DLGAP4: variants seen among roughly 807,000 people sequenced by gnomAD.
The protein encoded by DLGAP4 is disks large-associated protein 4.
In DLGAP4, 18 loss-of-function variants were observed where a neutral mutation model predicts 86.9. The ratio of observed to expected loss-of-function variants is 0.21; its 90% CI spans 0.14 to 0.31. DLGAP4 has a LOEUF of 0.31. DLGAP4 is among the 10% of genes least tolerant of loss of function. DLGAP4 has a pLI of 1.00. For missense variants in DLGAP4, 1,085 were observed against 1,362.6 expected (o/e 0.80, Z 3.21); for synonymous variants, 548 against 574.3 (o/e 0.95, Z 0.65).
At chr20:36,412,655 A>G (rs1279063623) in intron 2 of DLGAP4, among the ~76,000 whole-genome samples, 2 of 152,348 alleles carry the variant, frequency 1.3e-5, no homozygotes, top group East Asian at 3.9e-4. Flanking sequence ...CAAAAAGATC[A>G]TCCAAACAAA....
chr20:36,463,931 CA>C (rs1022733958), intron 7 of DLGAP4, among the ~76,000 whole-genome samples: 3 of 152,222 alleles, frequency 2.0e-5, no homozygotes, highest in African/African-American at 7.2e-5. Context: ...CAGGGACCCA[CA>C]GAGGTTTGAG....
chr20:36,405,606 A>G (rs1451525001), intron 2 of DLGAP4, among the ~76,000 whole-genome samples: 2 of 152,098 alleles, frequency 1.3e-5, no homozygotes, highest in Non-Finnish European at 2.9e-5. Context: ...TGGATGGGGC[A>G]GGGAGGCTGG....
chr20:36,307,139 C>G (rs1438410746), intron 1 of DLGAP4, among the ~76,000 whole-genome samples: 2 of 152,162 alleles, frequency 1.3e-5, no homozygotes, highest in African/African-American at 4.8e-5. Context: ...GCATAGCGCC[C>G]CCTCCCTGTT....
chr20:36,360,286 G>A (rs1177658947), intron 1 of DLGAP4, among the ~76,000 whole-genome samples: 2 of 152,172 alleles, frequency 1.3e-5, no homozygotes, highest in African/African-American at 4.8e-5. Flanking sequence ...CAGAGTCAAT[G>A]CTGGGATAAA....
rs117830646 is a variant in DLGAP4 at position 36,431,640 on chromosome 20, C to T, written c.-72-6C>T. 30,885 of 1,481,162 alleles carry T rather than the reference C, an allele frequency of 0.021. 353 individuals carry two copies. Among genetic ancestry groups the T allele is most frequent in the Non-Finnish European group, 0.025 (27,478 of 1,108,226 alleles). The allele number at this position is 1,481,162 out of a possible 1,614,324, so 91.8% of individuals were successfully genotyped here. ...CAGCTGACCGCTTTCTGTCTTCTCTCCCTAGGATAGCTGCCGCCCGGGAGA... is the reference window on the plus strand; with the variant it reads ...CAGCTGACCGCTTTCTGTCTTCTCTTCCTAGGATAGCTGCCGCCCGGGAGA... On this transcript the variant is annotated splice_polypyrimidine_tract_variant and splice_region_variant and intron_variant, in intron 2 of 12. Transcript: ENST00000339266. This position sits in a 1 kb window ranked among gnomAD's most constrained non-coding sequence, Gnocchi z 5.1.
At chr20:36,429,424 A>T (rs1489557254) in intron 2 of DLGAP4, among the ~76,000 whole-genome samples, 8 of 59,916 alleles carry the variant, frequency 1.3e-4, no homozygotes, top group Admixed American at 2.4e-4. Flanking sequence ...TTTTTTTTTG[A>T]GACAGAGTCT....
intron 7 of DLGAP4, chr20:36,492,941 T>G (rs1187914143): frequency 6.6e-6 from 1 of 151,982 alleles, no homozygotes; most frequent in Non-Finnish European, 1.5e-5. Context: ...TAAACAAACG[T>G]CCAGGTCTTG....
chr20:36,434,147 T>C (rs1166405939), intron 3 of DLGAP4, among the ~76,000 whole-genome samples: 1 of 151,152 alleles, frequency 6.6e-6, no homozygotes. Flanking sequence ...TTTTATCATG[T>C]TGGCCAGGCT....
intron 7 of DLGAP4, among the ~76,000 whole-genome samples, chr20:36,450,795 T>C (rs1600547390): frequency 1.3e-5 from 2 of 152,352 alleles, no homozygotes; most frequent in Middle Eastern, 6.8e-3. Flanking sequence ...TTAATACTCC[T>C]GTTCAGAAAA....
intron 1 of DLGAP4, among the ~76,000 whole-genome samples, chr20:36,347,031 C>A (rs150792099): frequency 2.0e-5 from 3 of 152,324 alleles, no homozygotes; most frequent in East Asian, 3.9e-4. Flanking sequence ...CATTTCCAGT[C>A]TTTTCCTCCT....
chr20:36,526,923 C>T lies in DLGAP4; in HGVS notation c.2871C>T (p.Arg957=). 6.2e-7 allele frequency: 1 copy of T among 1,613,794 alleles called. No individual in the cohort carries two copies. The highest frequency in any genetic ancestry group is 8.5e-7 in the Non-Finnish European group (1 of 1,179,914). Residue 957 remains arginine (R), a synonymous_variant, in exon 13 of 13, where the codon CGC becomes CGT. Transcript: ENST00000339266. ...GCGACAAGCAGCGCCAGGAGGCCCGCAAGAGACTCCTGGCGGCCAAGCGGG... is the reference window on the plus strand; with the variant it reads ...GCGACAAGCAGCGCCAGGAGGCCCGTAAGAGACTCCTGGCGGCCAAGCGGG... ...DASDKQRQEA[R]KRLLAAKRAA...
In DLGAP4 at chr20:36,525,799, G is replaced by A. The variant is rs563916002; in HGVS notation, c.2605-52G>A. ...CCTGCTTGTTGGGGGGTTGGGGGGA[G>A]CAGGACAAGCCTCTGCTGAGCTGGC... On this transcript the variant is annotated intron_variant, in intron 11 of 12. Coordinates refer to ENST00000339266, the MANE Select transcript of DLGAP4 (RefSeq NM_001365621.2). The A allele has an allele frequency of 5.0e-5, 80 of 1,601,342 alleles. No homozygotes were observed. The African/African-American group carries it at 6.3e-4, about 13-fold the overall frequency.
chr20:36,380,004 A>G (rs1426965345), intron 2 of DLGAP4, among the ~76,000 whole-genome samples: 2 of 152,146 alleles, frequency 1.3e-5, no homozygotes, highest in Non-Finnish European at 2.9e-5. Flanking sequence ...CAACATAGTG[A>G]GACTCTGTCT....
At chr20:36,424,819 T>C (rs1248932019) in intron 2 of DLGAP4, among the ~76,000 whole-genome samples, 1 of 150,860 alleles carries the variant, frequency 6.6e-6, no homozygotes, top group Non-Finnish European at 1.5e-5. Flanking sequence ...CACTGCAACC[T>C]CTGCCTTTCA....
chr20:36,414,751 G>T (rs1225199363), intron 2 of DLGAP4, among the ~76,000 whole-genome samples: 1 of 152,230 alleles, frequency 6.6e-6, no homozygotes, highest in Admixed American at 6.5e-5. Flanking sequence ...TCCCCCTCCA[G>T]TTCCATGTAA....
At chr20:36,438,991 C>G (rs1207441372) in intron 4 of DLGAP4, among the ~76,000 whole-genome samples, 1 of 152,130 alleles carries the variant, frequency 6.6e-6, no homozygotes, top group Non-Finnish European at 1.5e-5. Flanking sequence ...GGAGATCCTA[C>G]AATCCGAGTG....
intron 7 of DLGAP4, among the ~76,000 whole-genome samples, chr20:36,488,903 C>A (rs1424819264): frequency 6.6e-6 from 1 of 152,190 alleles, no homozygotes; most frequent in African/African-American, 2.4e-5. Context: ...ACTATTGATT[C>A]ATTAACATTG....
At chr20:36,430,767 C>A (rs2033107401) in intron 2 of DLGAP4, among the ~76,000 whole-genome samples, 1 of 151,594 alleles carries the variant, frequency 6.6e-6, no homozygotes, top group South Asian at 2.1e-4. Flanking sequence ...CCAGTCTGGC[C>A]AACATAGTGA....
chr20:36,467,673 A>G (rs1363402037), intron 7 of DLGAP4, among the ~76,000 whole-genome samples: 2 of 152,198 alleles, frequency 1.3e-5, no homozygotes, highest in South Asian at 2.1e-4. Flanking sequence ...GGAAGAGCCA[A>G]TTGGGGTAGC....
Sources: gnomAD v4.1 joint callset for allele counts (sites outside exome capture counted in the v4.1 genomes callset) on GRCh38, gnomAD v4.1.1 for gene constraint, Gnocchi (gnomAD v3.1) non-coding constraint, MANE v1.5 for transcripts, NCBI Gene and HGNC (gene_info 2026-07-23, HGNC 2026-07-21) for gene names.